XYLT1: variants seen among roughly 807,000 people sequenced by gnomAD.
The protein encoded by XYLT1 is xylosyltransferase 1.
Under a neutral mutation model 91.3 loss-of-function variants are expected in XYLT1, and 36 were observed. That is an observed-to-expected ratio of 0.39 (90% confidence interval 0.30 to 0.52). The LOEUF (loss-of-function observed/expected upper bound fraction) is 0.52. Among genes scored for constraint, XYLT1 ranks in the 20% least tolerant of loss-of-function variants. The pLI, the probability that XYLT1 is intolerant of heterozygous loss-of-function variation, is 0.68. For missense variants in XYLT1, 1,242 were observed against 1,284.5 expected (o/e 0.97, Z 0.51); for synonymous variants, 588 against 532.0 (o/e 1.11, Z -1.45).
rs1050315415 is a variant in XYLT1 at position 17,408,037 on chromosome 16, G to A, written c.364-49987C>T. 3.3e-5 allele frequency among the ~76,000 whole-genome samples: 5 copies of A among 152,134 alleles called. No individual in the cohort carries two copies. In the South Asian group the frequency reaches 6.2e-4, roughly 19 times the overall value. ...GTGAGTGAAGCTGTCGGAGGCCCTC[G>A]CCAGATGCAGATGCCTAATCTTGAA... On this transcript the variant is annotated intron_variant, in intron 1 of 11. Transcript: ENST00000261381.
chr16:17,171,359 G>C (rs901053527), intron 5 of XYLT1, among the ~76,000 whole-genome samples: 1 of 152,146 alleles, frequency 6.6e-6, no homozygotes, highest in African/African-American at 2.4e-5. Flanking sequence ...TCCTTGGGCA[G>C]CTTGCCACAT....
At chr16:17,287,195 G>A (rs1374387326) in intron 2 of XYLT1, among the ~76,000 whole-genome samples, 7 of 152,070 alleles carry the variant, frequency 4.6e-5, no homozygotes, top group Admixed American at 4.6e-4. Context: ...GCCTGGCGTG[G>A]ATCTAGTTTT....
At chr16:17,242,912 C>T (rs544136627) in intron 3 of XYLT1, among the ~76,000 whole-genome samples, 1 of 152,348 alleles carries the variant, frequency 6.6e-6, no homozygotes, top group Non-Finnish European at 1.5e-5. Context: ...TGAAGTCCCC[C>T]AGGTGCATCC....
intron 6 of XYLT1, 104 bp downstream of exon 6, chr16:17,158,725 C>T (rs2031476056): frequency 2.4e-6 from 3 of 1,276,304 alleles, no homozygotes; most frequent in East Asian, 4.6e-5. Context: ...TTTCTCCCAC[C>T]CTCAACCTTT....
chr16:17,169,505 G>A (rs1350666549), intron 5 of XYLT1, among the ~76,000 whole-genome samples: 1 of 152,162 alleles, frequency 6.6e-6, no homozygotes, highest in Non-Finnish European at 1.5e-5. Flanking sequence ...CAGTTTATCT[G>A]ATGTTCTATC....
At chr16:17,407,457 T>C (rs1343037343) in intron 1 of XYLT1, among the ~76,000 whole-genome samples, 2 of 152,224 alleles carry the variant, frequency 1.3e-5, no homozygotes, top group African/African-American at 4.8e-5. Flanking sequence ...GGACACATTA[T>C]AAATCCTCTA....
chr16:17,430,842 A>G (rs1246255182), intron 1 of XYLT1, among the ~76,000 whole-genome samples: 2 of 152,178 alleles, frequency 1.3e-5, no homozygotes, highest in East Asian at 1.9e-4. Context: ...GCTTCTTTTA[A>G]TTTTCATTAT....
chr16:17,316,601 T>G (rs1343155269), intron 2 of XYLT1, among the ~76,000 whole-genome samples: 1 of 152,008 alleles, frequency 6.6e-6, no homozygotes. Context: ...TTCACTATGT[T>G]GTCCAGGTTG....
At chr16:17,220,350 A>G (rs2032943916) in intron 3 of XYLT1, among the ~76,000 whole-genome samples, 1 of 152,170 alleles carries the variant, frequency 6.6e-6, no homozygotes, top group Admixed American at 6.5e-5. Flanking sequence ...AATCTGAGCA[A>G]GCTGTCACCC....
intron 3 of XYLT1, among the ~76,000 whole-genome samples, chr16:17,237,632 C>T (rs549967393): frequency 4.6e-5 from 7 of 152,298 alleles, no homozygotes; most frequent in South Asian, 2.1e-4. Flanking sequence ...AATTAGAATC[C>T]GGAGACGGAT....
chr16:17,203,691 C>T (rs2032585481), intron 3 of XYLT1, among the ~76,000 whole-genome samples: 1 of 152,180 alleles, frequency 6.6e-6, no homozygotes, highest in Non-Finnish European at 1.5e-5. Context: ...TTTATTCATC[C>T]ATCCAAATCT....
chr16:17,459,983 G>C (rs565851348), intron 1 of XYLT1, among the ~76,000 whole-genome samples: 1 of 152,142 alleles, frequency 6.6e-6, no homozygotes, highest in African/African-American at 2.4e-5. Context: ...CATGAGCCCC[G>C]TCTTCCATTC....
intron 3 of XYLT1, among the ~76,000 whole-genome samples, chr16:17,257,092 G>T (rs1264080821): frequency 2.0e-5 from 3 of 152,180 alleles, no homozygotes; most frequent in Non-Finnish European, 4.4e-5. Context: ...CAAAAGCAGG[G>T]GTTGGTATTT....
At chr16:17,328,754 GAAATGAT>G (rs2034853060) in intron 2 of XYLT1, among the ~76,000 whole-genome samples, 1 of 152,048 alleles carries the variant, frequency 6.6e-6, no homozygotes, top group Non-Finnish European at 1.5e-5. Flanking sequence ...CCTAGTGCTT[GAAATGAT>G]GGCTGGATTC....
intron 3 of XYLT1, among the ~76,000 whole-genome samples, chr16:17,251,798 T>C (rs1476364468): frequency 6.6e-6 from 1 of 152,164 alleles, no homozygotes; most frequent in East Asian, 1.9e-4. Flanking sequence ...TCACCCAGGA[T>C]CCATGTGTTC....
intron 5 of XYLT1, among the ~76,000 whole-genome samples, chr16:17,168,191 T>C (rs993505208): frequency 2.0e-5 from 3 of 152,208 alleles, no homozygotes; most frequent in Non-Finnish European, 2.9e-5. Flanking sequence ...GGGATCGATA[T>C]AGGTGCCCGT....
intron 2 of XYLT1, among the ~76,000 whole-genome samples, chr16:17,270,205 A>G (rs1054083831): frequency 6.6e-6 from 1 of 152,340 alleles, no homozygotes; most frequent in Admixed American, 6.5e-5. Context: ...AACAGGCATT[A>G]CTGATTAAAT....
intron 2 of XYLT1, among the ~76,000 whole-genome samples, chr16:17,327,021 A>T (rs2034814845): frequency 6.6e-6 from 1 of 152,142 alleles, no homozygotes; most frequent in Non-Finnish European, 1.5e-5. Context: ...AAGGACAAAC[A>T]CCACCAACCA....
chr16:17,172,466 C>CTTTTTTTTT (rs1157952692), intron 5 of XYLT1, among the ~76,000 whole-genome samples: 3 of 102,636 alleles, frequency 2.9e-5, no homozygotes, highest in Admixed American at 1.2e-4. Context: ...GCGTTCATTT[C>CTTTTTTTTT]TTTTTTTTTT....
Sources: gnomAD v4.1 joint callset for allele counts (sites outside exome capture counted in the v4.1 genomes callset) on GRCh38, gnomAD v4.1.1 for gene constraint, MANE v1.5 for transcripts, NCBI Gene and HGNC (gene_info 2026-07-23, HGNC 2026-07-21) for gene names.